Variants in GABRB1 observed in about 807,000 individuals in gnomAD.
The protein encoded by GABRB1 is gamma-aminobutyric acid type A receptor subunit beta1, also known as gamma-aminobutyric acid receptor subunit beta-1.
A neutral mutation model predicts 51.6 loss-of-function variants in GABRB1; 17 were observed. That is an observed-to-expected ratio of 0.33 (90% CI 0.23 to 0.49). The LOEUF (loss-of-function observed/expected upper bound fraction) is 0.49. GABRB1 is among the 20% of genes least tolerant of loss of function. The probability of loss-of-function intolerance (pLI) is 0.99; values close to 1 mark genes in which losing one functional copy is unlikely to be tolerated. For synonymous variants in GABRB1, 247 were observed against 218.9 expected (o/e 1.13, Z -1.14); for missense variants, 410 against 600.6 (o/e 0.68, Z 3.32).
chr4:47,101,689 GC>G lies in GABRB1; in HGVS notation c.241-59559del, dbSNP rs377201656. On this transcript the variant is annotated intron_variant, in intron 3 of 8. Coordinates refer to ENST00000295454, the MANE Select transcript of GABRB1 (RefSeq NM_000812.4). ...TGTTTATGTTCTGCTTTCTGTAAGT[GC>G]TTGTATGTGAAAAGCCATGCAGATG... Among the ~76,000 whole-genome samples, 42 of 152,102 alleles carry G rather than the reference GC, an allele frequency of 2.8e-4. 1 individual carries two copies. Among genetic ancestry groups the G allele is most frequent in the African/African-American group, 9.6e-4 (40 of 41,516 alleles).
chr4:47,107,604 C>G (rs1312903061), intron 3 of GABRB1, among the ~76,000 whole-genome samples: 1 of 151,964 alleles, frequency 6.6e-6, no homozygotes, highest in South Asian at 2.1e-4. Flanking sequence ...TAAAATGGAG[C>G]CAATAATATC....
intron 3 of GABRB1, among the ~76,000 whole-genome samples, chr4:47,061,696 T>C (rs1305479065): frequency 6.6e-6 from 1 of 152,196 alleles, no homozygotes; most frequent in African/African-American, 2.4e-5. Flanking sequence ...TCTAAGACAG[T>C]GCAAGCAAAC....
At chr4:47,330,030 G>A (rs1725418980) in intron 5 of GABRB1, among the ~76,000 whole-genome samples, 1 of 152,088 alleles carries the variant, frequency 6.6e-6, no homozygotes, top group South Asian at 2.1e-4. Context: ...ACTCTAGTCT[G>A]AAGACCTAAC....
intron 5 of GABRB1, among the ~76,000 whole-genome samples, chr4:47,354,773 A>T (rs1411987744): frequency 6.6e-6 from 1 of 151,262 alleles, no homozygotes; most frequent in East Asian, 1.9e-4. Context: ...CTTTTTTTTT[A>T]AACTGCAAAT....
At chr4:47,346,122 C>A (rs1726080147) in intron 5 of GABRB1, among the ~76,000 whole-genome samples, 1 of 151,718 alleles carries the variant, frequency 6.6e-6, no homozygotes, top group Admixed American at 6.6e-5. Context: ...TTGTTTATAG[C>A]ACAGAAAGCC....
At chr4:47,399,688 T>G (rs751781316) in intron 5 of GABRB1, among the ~76,000 whole-genome samples, 6 of 152,210 alleles carry the variant, frequency 3.9e-5, no homozygotes, top group Non-Finnish European at 7.3e-5. Context: ...TTTATATATC[T>G]TCTCTGGAAA....
At chr4:47,041,308 A>G (rs983195854) in intron 3 of GABRB1, among the ~76,000 whole-genome samples, 7 of 152,250 alleles carry the variant, frequency 4.6e-5, no homozygotes, top group Middle Eastern at 3.4e-3. Context: ...GTCCTCTACA[A>G]GTTGGTCTCC....
intron 5 of GABRB1, among the ~76,000 whole-genome samples, chr4:47,326,357 C>T (rs759454357): frequency 2.6e-5 from 4 of 152,110 alleles, no homozygotes; most frequent in Admixed American, 6.5e-5. Context: ...TCTCACATTA[C>T]AAGAAGAAGG....
At chr4:47,022,613 C>G (rs970347973) in intron 1 of GABRB1, among the ~76,000 whole-genome samples, 1 of 151,874 alleles carries the variant, frequency 6.6e-6, no homozygotes, top group Non-Finnish European at 1.5e-5. Context: ...TCATCTCGCC[C>G]CAGTTAAAAT....
In GABRB1 at chr4:47,162,441, T is replaced by TA. The variant is rs938708389; in HGVS notation, c.461+981dup. On this transcript the variant is annotated intron_variant, in intron 4 of 8. Transcript: ENST00000295454. ...AGAATATATAAAAAGTTGATTGGTTTAAAAAAAAAGAGCAACTAGATTTTT... is the reference window on the plus strand; with the variant it reads ...AGAATATATAAAAAGTTGATTGGTTTAAAAAAAAAAGAGCAACTAGATTTTT... 2.4e-4 allele frequency among the ~76,000 whole-genome samples: 37 copies of TA among 151,144 alleles called. No individual in the cohort carries two copies. The South Asian group carries it at 3.8e-3, about 15-fold the overall frequency.
In GABRB1 at chr4:47,347,479, C is replaced by T. The variant is rs185183346; in HGVS notation, c.544+27270C>T. 1.4e-3 allele frequency among the ~76,000 whole-genome samples: 218 copies of T among 152,140 alleles called. 1 individual carries two copies. The highest frequency in any genetic ancestry group is 5.0e-3 in the African/African-American group (209 of 41,514). ...TGAGTATAGAAGGTTTTCAAAGCAACGTAGCATGAAGAATGCCGTATATGC... is the reference window on the plus strand; with the variant it reads ...TGAGTATAGAAGGTTTTCAAAGCAATGTAGCATGAAGAATGCCGTATATGC... On this transcript the variant is annotated intron_variant, in intron 5 of 8. Transcript: ENST00000295454.
At chr4:47,009,013 A>C (rs897609678) in intron 1 of GABRB1, among the ~76,000 whole-genome samples, 1 of 146,762 alleles carries the variant, frequency 6.8e-6, no homozygotes, top group African/African-American at 2.5e-5. Flanking sequence ...ACAGGCGCCC[A>C]CCACCACGCC....
chr4:47,270,869 C>G (rs182622114), intron 4 of GABRB1, among the ~76,000 whole-genome samples: 6 of 152,260 alleles, frequency 3.9e-5, no homozygotes, highest in East Asian at 1.9e-4. Context: ...CTATAGCATA[C>G]GAACACAAAT....
intron 5 of GABRB1, among the ~76,000 whole-genome samples, chr4:47,369,756 T>A (rs1489290688): frequency 1.3e-5 from 2 of 152,164 alleles, no homozygotes; most frequent in African/African-American, 4.8e-5. Context: ...AGGCCTAATC[T>A]TGTCCCCTTC....
At chr4:47,189,251 T>A (rs1719327244) in intron 4 of GABRB1, among the ~76,000 whole-genome samples, 2 of 151,712 alleles carry the variant, frequency 1.3e-5, no homozygotes, top group South Asian at 4.2e-4. Context: ...GAATGGAGAG[T>A]ACCATGCATG....
chr4:47,391,820 T>A (rs1728006245), intron 5 of GABRB1, among the ~76,000 whole-genome samples: 1 of 152,190 alleles, frequency 6.6e-6, no homozygotes, highest in African/African-American at 2.4e-5. Context: ...GAAACTTTAC[T>A]ATAGACAGAA....
chr4:47,180,871 A>G (rs180711385), intron 4 of GABRB1, among the ~76,000 whole-genome samples: 267 of 152,092 alleles, frequency 1.8e-3, no homozygotes, highest in Non-Finnish European at 8.4e-4. Context: ...TTGGCAGTTC[A>G]TTTTCACTAT....
intron 5 of GABRB1, among the ~76,000 whole-genome samples, chr4:47,400,182 A>G (rs1728327342): frequency 6.6e-6 from 1 of 152,150 alleles, no homozygotes; most frequent in African/African-American, 2.4e-5. Flanking sequence ...CAATTTATCT[A>G]AGACATTTCA....
chr4:47,200,044 T>G (rs1390082097), intron 4 of GABRB1, among the ~76,000 whole-genome samples: 1 of 152,012 alleles, frequency 6.6e-6, no homozygotes, highest in Non-Finnish European at 1.5e-5. Context: ...AGAGAGAGAC[T>G]GGTAAGAGAG....
Sources: allele counts gnomAD v4.1 joint callset (sites outside exome capture counted in the v4.1 genomes callset), GRCh38; gene constraint gnomAD v4.1.1; transcripts MANE v1.5; gene names NCBI Gene and HGNC (gene_info 2026-07-23, HGNC 2026-07-21).